KLHL32: variants seen among roughly 807,000 people sequenced by gnomAD.
The protein encoded by KLHL32 is kelch like family member 32, also known as kelch-like protein 32.
A neutral mutation model predicts 64.8 loss-of-function variants in KLHL32; 35 were observed. The ratio of observed to expected loss-of-function variants is 0.54; its 90% CI spans 0.41 to 0.72. KLHL32 has a LOEUF of 0.72. Ranked by LOEUF, KLHL32 falls within the 30% of genes least tolerant of loss-of-function variation. The pLI is 0.00. For missense variants in KLHL32, 589 were observed against 768.5 expected, an observed-to-expected ratio of 0.77 and a Z score of 2.76; for synonymous variants, 259 against 281.0, an observed-to-expected ratio of 0.92 and a Z score of 0.78.
chr6:96,990,925 G>A (rs1449071895), intron 3 of KLHL32, among the ~76,000 whole-genome samples: 1 of 151,938 alleles, frequency 6.6e-6, no homozygotes, highest in East Asian at 1.9e-4. Flanking sequence ...TACCACTGCA[G>A]TGGCAGTGGC....
At chr6:97,008,018 G>C (rs938894164) in intron 3 of KLHL32, among the ~76,000 whole-genome samples, 1 of 151,744 alleles carries the variant, frequency 6.6e-6, no homozygotes, top group African/African-American at 2.4e-5. Context: ...TGGGATGTGG[G>C]ACCAGTGGAA....
intron 3 of KLHL32, among the ~76,000 whole-genome samples, chr6:96,995,480 C>T (rs1362804331): frequency 1.3e-5 from 2 of 152,272 alleles, no homozygotes; most frequent in South Asian, 2.1e-4. Context: ...CTTTCCCTTC[C>T]TGCTAAGGTA....
chr6:96,902,557 GAT>G, the KLHL32 span, among the ~76,000 whole-genome samples: 1 of 152,180 alleles, frequency 6.6e-6, no homozygotes, highest in African/African-American at 2.4e-5. Context: ...TTACTCTGTT[GAT>G]AGTTTCTTTT....
intron 4 of KLHL32, among the ~76,000 whole-genome samples, chr6:97,061,472 C>T (rs111883405): frequency 9.0e-4 from 137 of 152,184 alleles, no homozygotes; most frequent in African/African-American, 3.3e-3. Flanking sequence ...TATGCTCCTC[C>T]AGACTGATGA....
the KLHL32 span, among the ~76,000 whole-genome samples, chr6:96,916,574 T>C: frequency 6.6e-6 from 1 of 152,216 alleles, no homozygotes; most frequent in Non-Finnish European, 1.5e-5. Context: ...GTTAAAATGG[T>C]ACGTGAGTCC....
Position 97,114,471 on chromosome 6 carries a change from A to G in KLHL32, c.1316A>G (p.His439Arg). ...VQSFDRSLSC[H>R]AGYVADGLLW... Reference sequence around the variant, plus strand: ...TCCTTTGACAGATCCCTTTCATGCCATGCTGGATATGTGGCTGATGGTCTT... The same window carrying G: ...TCCTTTGACAGATCCCTTTCATGCCGTGCTGGATATGTGGCTGATGGTCTT... Residue 439 changes from histidine to arginine, a missense_variant, in exon 7 of 11, where the codon CAT becomes CGT. By Grantham distance (29) the His-to-Arg change is conservative. Transcript: ENST00000369261. 2.5e-6 allele frequency: 4 copies of G among 1,614,144 alleles called. No homozygotes were observed. Among genetic ancestry groups the G allele is most frequent in the East Asian group, 2.2e-5 (1 of 44,884 alleles).
intron 4 of KLHL32, among the ~76,000 whole-genome samples, chr6:97,059,687 CTA>C (rs148700484): frequency 0.016 from 2,402 of 152,222 alleles, 62 homozygotes; most frequent in African/African-American, 0.054. Flanking sequence ...GGTTTTGAAA[CTA>C]AAACTAGATT....
At chr6:97,043,280 A>G (rs1458996102) in intron 4 of KLHL32, among the ~76,000 whole-genome samples, 2 of 152,132 alleles carry the variant, frequency 1.3e-5, no homozygotes, top group African/African-American at 4.8e-5. Flanking sequence ...TATGAGTTCA[A>G]CTTTTTTAGA....
chr6:97,100,242 A>G (rs1795531795), intron 6 of KLHL32, among the ~76,000 whole-genome samples: 2 of 152,180 alleles, frequency 1.3e-5, no homozygotes, highest in African/African-American at 4.8e-5. Flanking sequence ...AGTTTTTTAT[A>G]CTATGATGAA....
chr6:96,920,130 G>A (rs1768703944), upstream of KLHL32, among the ~76,000 whole-genome samples: 1 of 152,170 alleles, frequency 6.6e-6, no homozygotes, highest in South Asian at 2.1e-4. Context: ...TCCCTGGGCT[G>A]GGATGATGGG....
intron 1 of KLHL32, among the ~76,000 whole-genome samples, chr6:96,953,233 G>A (rs1341181543): frequency 1.3e-5 from 2 of 152,174 alleles, no homozygotes; most frequent in Non-Finnish European, 2.9e-5. Context: ...ATGTATGTGA[G>A]AACTTACTTT....
intron 5 of KLHL32, among the ~76,000 whole-genome samples, chr6:97,070,728 A>G (rs1790578502): frequency 6.6e-6 from 1 of 152,218 alleles, no homozygotes; most frequent in Non-Finnish European, 1.5e-5. Flanking sequence ...GTGATTTTAA[A>G]ATCACTTTCA....
intron 1 of KLHL32, among the ~76,000 whole-genome samples, chr6:96,934,416 T>C (rs560393674): frequency 6.6e-5 from 10 of 152,266 alleles, no homozygotes; most frequent in Non-Finnish European, 1.5e-4. Flanking sequence ...GCCATCTGGA[T>C]CTGGGCCTCA....
intron 6 of KLHL32, among the ~76,000 whole-genome samples, chr6:97,098,882 T>C (rs1156288610): frequency 1.3e-5 from 2 of 152,202 alleles, no homozygotes; most frequent in Admixed American, 6.5e-5. Flanking sequence ...AAAGATAATT[T>C]GGAGAGAAGT....
intron 2 of KLHL32, among the ~76,000 whole-genome samples, chr6:96,974,821 A>C (rs2128042602): frequency 6.6e-6 from 1 of 152,340 alleles, no homozygotes; most frequent in East Asian, 1.9e-4. Flanking sequence ...CTCCCCTGAG[A>C]AACTCTTTCA....
chr6:97,019,305 GC>G lies in KLHL32; in HGVS notation c.205-22184del, dbSNP rs573791985. ...TCTGAGACAGAGATTAGTGTGAAGA[GC>G]CCTTGGACCCAATAACTGCAGAAGG... On this transcript the variant is annotated intron_variant, in intron 3 of 10. Transcript: ENST00000369261. Among the ~76,000 whole-genome samples the G allele has an allele frequency of 1.3e-3, 204 of 152,330 alleles. 1 individual carries two copies. The highest frequency in any genetic ancestry group is 4.7e-3 in the African/African-American group (196 of 41,582).
At chr6:97,117,644 C>A (rs1488448188) in intron 7 of KLHL32, among the ~76,000 whole-genome samples, 1 of 152,108 alleles carries the variant, frequency 6.6e-6, no homozygotes, top group African/African-American at 2.4e-5. Flanking sequence ...ACATTGTGAC[C>A]CAATTCACAA....
At chr6:96,942,454 A>T (rs1771413691) in intron 1 of KLHL32, among the ~76,000 whole-genome samples, 1 of 152,108 alleles carries the variant, frequency 6.6e-6, no homozygotes, top group South Asian at 2.1e-4. Flanking sequence ...AGACATCTTC[A>T]TCTAATCTGC....
intron 3 of KLHL32, among the ~76,000 whole-genome samples, chr6:96,990,051 A>G (rs1777660557): frequency 6.6e-6 from 1 of 152,118 alleles, no homozygotes; most frequent in Non-Finnish European, 1.5e-5. Context: ...AATTGTGATG[A>G]TCTTCATTCT....
Sources: allele counts gnomAD v4.1 joint callset (sites outside exome capture counted in the v4.1 genomes callset), GRCh38; gene constraint gnomAD v4.1.1; transcripts MANE v1.5; gene names NCBI Gene and HGNC (gene_info 2026-07-23, HGNC 2026-07-21).